The following GREB1 variants were observed in gnomAD, a reference collection of about 807,000 sequenced individuals.
GREB1 encodes growth regulating estrogen receptor binding 1.
A neutral mutation model predicts 200.7 loss-of-function variants in GREB1; 106 were observed. The ratio of observed to expected loss-of-function variants is 0.53; its 90% CI spans 0.45 to 0.62. The LOEUF (loss-of-function observed/expected upper bound fraction) is 0.62. Among genes scored for constraint, GREB1 ranks in the 20% least tolerant of loss-of-function variants. The pLI is 0.00. For synonymous variants in GREB1, 1,132 were observed against 1,092.4 expected (o/e 1.04, Z -0.72); for missense variants, 2,243 against 2,556.8 (o/e 0.88, Z 2.65).
chr2:11,569,973 C>A (rs1376161748), intron 4 of GREB1, among the ~76,000 whole-genome samples: 1 of 152,108 alleles, frequency 6.6e-6, no homozygotes, highest in Non-Finnish European at 1.5e-5. Context: ...GGTGATCTAG[C>A]CTTCTTTAAA....
In GREB1 at chr2:11,610,717, G is replaced by A. The variant is rs1362374519; in HGVS notation, c.2696G>A (p.Arg899Lys). Residue 899 changes from arginine to lysine, a missense_variant, in exon 18 of 33, where the codon AGG becomes AAG. Transcript: ENST00000381486. ...RFPRLHSAVIRTFVLVQHYAA... is the reference protein window; with the variant it reads ...RFPRLHSAVIKTFVLVQHYAA... ...CCCCGCCTGCACAGCGCGGTGATCA[G>A]GACCTTTGTTCTCGTGCAGCACTAC... is the stretch of plus-strand genomic sequence containing the variant. 3 of 1,613,266 alleles carry A rather than the reference G, an allele frequency of 1.9e-6. No individual in the cohort carries two copies. The highest frequency in any genetic ancestry group is 2.5e-6 in the Non-Finnish European group (3 of 1,179,970).
At chr2:11,591,221 G>T (rs1284182254) in intron 10 of GREB1, among the ~76,000 whole-genome samples, 1 of 152,192 alleles carries the variant, frequency 6.6e-6, no homozygotes, top group Non-Finnish European at 1.5e-5. Context: ...CAATCAAAGA[G>T]GGAGATATAA....
chr2:11,528,830 T>C (rs548289172), intron 1 of GREB1, among the ~76,000 whole-genome samples: 1 of 152,230 alleles, frequency 6.6e-6, no homozygotes, highest in African/African-American at 2.4e-5. Context: ...TAGAAGTCAT[T>C]CATTAATTAA....
At chr2:11,494,777 G>T (rs1174283720) in intron 1 of GREB1, among the ~76,000 whole-genome samples, 1 of 152,174 alleles carries the variant, frequency 6.6e-6, no homozygotes, top group African/African-American at 2.4e-5. Context: ...GTAAGATGGG[G>T]TCAGTAATAA....
intron 4 of GREB1, among the ~76,000 whole-genome samples, chr2:11,576,125 G>A (rs949042757): frequency 1.3e-5 from 2 of 152,118 alleles, no homozygotes; most frequent in Non-Finnish European, 2.9e-5. Flanking sequence ...CCAACATGGT[G>A]AAACCCCGTC....
At chr2:11,565,991 G>A (rs970965381) in intron 3 of GREB1, among the ~76,000 whole-genome samples, 4 of 151,550 alleles carry the variant, frequency 2.6e-5, no homozygotes, top group East Asian at 3.9e-4. Context: ...CACAAATAAC[G>A]TGTGATCTGT....
In GREB1 at chr2:11,625,195, G is replaced by C; in HGVS notation, c.4189G>C (p.Asp1397His). The C allele has an allele frequency of 6.2e-7, 1 of 1,613,872 alleles. No homozygotes were observed. The highest frequency in any genetic ancestry group is 1.1e-5 in the South Asian group (1 of 91,068). The change falls in exon 24 of 33, where the codon GAC becomes CAC. Residue 1397 changes from aspartate (D) to histidine (H), a missense_variant. By Grantham distance (81) the Asp-to-His change is moderately conservative. Transcript: ENST00000381486. ...ESDWHYLQLS[D>H]PWPDLELFKK... ...TGACTGGCATTATCTCCAGCTTAGC[G>C]ACCCCTGGCCAGACCTGGAGCTGTT...
chr2:11,629,358 C>T lies in GREB1; in HGVS notation c.4450-590C>T, dbSNP rs1247978966. Among the ~76,000 whole-genome samples the T allele has an allele frequency of 6.6e-6, 1 of 152,080 alleles. No homozygotes were observed. Among genetic ancestry groups the T allele is most frequent in the South Asian group, 2.1e-4 (1 of 4,822 alleles). On this transcript the variant is annotated intron_variant, in intron 25 of 32. Coordinates refer to ENST00000381486, the MANE Select transcript of GREB1 (RefSeq NM_014668.4). This position sits in a 1 kb window ranked among gnomAD's most constrained non-coding sequence, Gnocchi z 5.2. The stretch of plus-strand genomic sequence containing the variant: ...GGGAAGTGGAGGCTGGAGGAGGTGA[C>T]TAAGGGCGCAGCCAGACTTGGTGAC...
intron 1 of GREB1, among the ~76,000 whole-genome samples, chr2:11,505,193 A>G (rs529863547): frequency 6.6e-6 from 1 of 152,182 alleles, no homozygotes; most frequent in African/African-American, 2.4e-5. Context: ...CGGCCTCCCA[A>G]AGTGCTGGGA....
chr2:11,627,192 G>T, intron 25 of GREB1, 88 bp downstream of exon 25: 2 of 1,247,530 alleles, frequency 1.6e-6, no homozygotes, highest in Non-Finnish European at 2.2e-6. Context: ...TCCAGAGTGG[G>T]AGATAGAGAG....
chr2:11,606,926 G>C (rs1002801004), intron 17 of GREB1, among the ~76,000 whole-genome samples: 5 of 151,770 alleles, frequency 3.3e-5, no homozygotes, highest in Non-Finnish European at 5.9e-5. Flanking sequence ...GGGATTACAG[G>C]CACGCACCAC....
chr2:11,517,236 T>A (rs1319377259), intron 1 of GREB1, among the ~76,000 whole-genome samples: 3 of 152,192 alleles, frequency 2.0e-5, no homozygotes, highest in Non-Finnish European at 4.4e-5. Context: ...CTGTGTGCCT[T>A]GTCTGAGTCG....
intron 2 of GREB1, among the ~76,000 whole-genome samples, chr2:11,558,377 T>C (rs1676646387): frequency 6.6e-6 from 1 of 152,198 alleles, no homozygotes; most frequent in South Asian, 2.1e-4. Context: ...CAGCTCAGGG[T>C]GCCCTTATCT....
At chr2:11,578,265 T>C (rs759220034) in intron 5 of GREB1, 32 bp from the exon 6 acceptor site, 2 of 1,593,018 alleles carry the variant, frequency 1.3e-6, no homozygotes, top group East Asian at 2.3e-5. Flanking sequence ...GAAGAGCGAG[T>C]TGGTTTTCAC....
At position 11,596,051 on chromosome 2, in the gene GREB1, T is replaced by C. The variant is rs891514329; in HGVS notation, c.1826-60T>C. 24 of 1,540,470 alleles carry C rather than the reference T, an allele frequency of 1.6e-5. No individual in the cohort carries two copies. In the African/African-American group the frequency reaches 2.2e-4, roughly 14 times the overall value. The stretch of plus-strand genomic sequence containing the variant: ...ACAGTACCTGACACTAACTGCGCTG[T>C]AGATGTTTGCTGAATTTCACTGACA... On this transcript the variant is annotated intron_variant, in intron 12 of 32. Transcript: ENST00000381486.
At chr2:11,581,555 G>C (rs1679481880) in intron 7 of GREB1, among the ~76,000 whole-genome samples, 1 of 152,174 alleles carries the variant, frequency 6.6e-6, no homozygotes, top group South Asian at 2.1e-4. Flanking sequence ...CAGACCTCCT[G>C]CCAGAGGAGG....
chr2:11,528,697 G>A (rs1179373492), intron 1 of GREB1, among the ~76,000 whole-genome samples: 2 of 152,294 alleles, frequency 1.3e-5, no homozygotes, highest in Admixed American at 6.5e-5. Flanking sequence ...TACCAAGTCT[G>A]TATTTCCTGG....
In GREB1 at chr2:11,610,881, G is replaced by A; in HGVS notation, c.2860G>A (p.Val954Met). Residue 954 changes from valine (V) to methionine (M), a missense_variant, in exon 18 of 33, where the codon GTG becomes ATG. Coordinates refer to ENST00000381486, the MANE Select transcript of GREB1 (RefSeq NM_014668.4). ...CGHGLMVLLRVPCSPLAVVAY... is the reference protein window; with the variant it reads ...CGHGLMVLLRMPCSPLAVVAY... Reference sequence around the variant, plus strand: ...CCACGGGCTCATGGTCCTGCTGCGGGTGCCCTGTTCGCCCCTGGCGGTGGT... The same window carrying A: ...CCACGGGCTCATGGTCCTGCTGCGGATGCCCTGTTCGCCCCTGGCGGTGGT... 1 of 1,613,180 alleles carries A rather than the reference G, an allele frequency of 6.2e-7. No homozygotes were observed. Among genetic ancestry groups the A allele is most frequent in the Non-Finnish European group, 8.5e-7 (1 of 1,179,860 alleles).
intron 5 of GREB1, among the ~76,000 whole-genome samples, chr2:11,577,922 G>A (rs527665648): frequency 5.3e-5 from 8 of 152,342 alleles, no homozygotes; most frequent in Admixed American, 2.6e-4. Flanking sequence ...CTCACTGGCC[G>A]CTGGGGATGG....
Sources: gnomAD v4.1 joint callset for allele counts (sites outside exome capture counted in the v4.1 genomes callset) on GRCh38, gnomAD v4.1.1 for gene constraint, Gnocchi (gnomAD v3.1) non-coding constraint, MANE v1.5 for transcripts, NCBI Gene and HGNC (gene_info 2026-07-23, HGNC 2026-07-21) for gene names.